KIF26B: variants seen among roughly 807,000 people sequenced by gnomAD.
KIF26B encodes the protein kinesin-like protein KIF26B.
In KIF26B, 63 loss-of-function variants were observed where a neutral mutation model predicts 151.2. The ratio of observed to expected loss-of-function variants is 0.42; its 90% CI spans 0.34 to 0.51. The LOEUF is 0.51. Ranked by LOEUF, KIF26B falls within the 20% of genes least tolerant of loss-of-function variation. KIF26B has a pLI of 0.07. For missense variants in KIF26B, 2,813 were observed against 2,913.6 expected (o/e 0.97, Z 0.79); for synonymous variants, 1,357 against 1,262.1 (o/e 1.08, Z -1.59).
At chr1:245,588,082 T>A (rs2043246377) in intron 5 of KIF26B, among the ~76,000 whole-genome samples, 1 of 152,150 alleles carries the variant, frequency 6.6e-6, no homozygotes, top group Non-Finnish European at 1.5e-5. Context: ...CTCAGCCTCC[T>A]CCACAGCCCC....
At chr1:245,343,482 C>T (rs552095732) in intron 2 of KIF26B, among the ~76,000 whole-genome samples, 5 of 152,020 alleles carry the variant, frequency 3.3e-5, no homozygotes, top group East Asian at 1.9e-4. Flanking sequence ...ATCAGCATAA[C>T]GAAGGCTGCT....
At chr1:245,439,362 A>AAAAG (rs1469565922) in intron 4 of KIF26B, among the ~76,000 whole-genome samples, 1 of 139,246 alleles carries the variant, frequency 7.2e-6, no homozygotes, top group East Asian at 2.2e-4. Flanking sequence ...AAAAAAAAAA[A>AAAAG]AGAAAAAAGA....
intron 2 of KIF26B, among the ~76,000 whole-genome samples, chr1:245,255,345 G>T: frequency 6.6e-6 from 1 of 152,196 alleles, no homozygotes; most frequent in Non-Finnish European, 1.5e-5. Flanking sequence ...AATCAACTAA[G>T]TGTCCAGCTT....
chr1:245,403,885 T>C (rs776324804), intron 3 of KIF26B, among the ~76,000 whole-genome samples: 1 of 152,326 alleles, frequency 6.6e-6, no homozygotes, highest in Non-Finnish European at 1.5e-5. Flanking sequence ...ATAGATAGCT[T>C]GTTGTCCATG....
rs58620865 is a variant in KIF26B, at chr1:245,232,551, G to GTTTTT, written c.465+75880_465+75884dup. On this transcript the variant is annotated intron_variant, in intron 2 of 14. Coordinates refer to ENST00000407071, the MANE Select transcript of KIF26B (RefSeq NM_018012.4). ...GTAGCAAATACATGTGGTTTCATTT[G>GTTTTT]TTTTTTTTTTTTTTTTGAGATGGAG... Among the ~76,000 whole-genome samples, 473 of 131,762 alleles carry GTTTTT rather than the reference G, an allele frequency of 3.6e-3. 13 individuals carry two copies. In the East Asian group the frequency reaches 0.078, roughly 22 times the overall value. 86.4% of individuals were successfully genotyped at this position (131,762 alleles called of 152,430 possible).
intron 5 of KIF26B, among the ~76,000 whole-genome samples, chr1:245,583,788 C>G (rs1318517006): frequency 6.6e-6 from 1 of 152,162 alleles, no homozygotes; most frequent in Non-Finnish European, 1.5e-5. Context: ...GTTCGCTTAC[C>G]CAACGAAGCA....
In KIF26B at chr1:245,155,352, G is replaced by T; in HGVS notation, c.-73G>T. The stretch of plus-strand genomic sequence containing the variant: ...AGCCAGCCCCCTGCAGCCGGGGGAC[G>T]CTTCTGGGTTGGAGGACCTTCTGGA... On this transcript the variant is annotated 5_prime_UTR_variant, in exon 1 of 15. Transcript: ENST00000407071. The T allele has an allele frequency of 7.9e-7, 1 of 1,268,826 alleles. No homozygotes were observed. The highest frequency in any genetic ancestry group is 1.1e-6 in the Non-Finnish European group (1 of 889,296). 78.6% of individuals were successfully genotyped at this position (1,268,826 alleles called of 1,614,324 possible). A position where few individuals can be genotyped will look rare whatever the true frequency, so the allele number is the denominator to read the frequency against.
intron 2 of KIF26B, among the ~76,000 whole-genome samples, chr1:245,207,683 C>T (rs1003730086): frequency 2.6e-5 from 4 of 152,118 alleles, no homozygotes; most frequent in Non-Finnish European, 5.9e-5. Flanking sequence ...ATGGGATGGT[C>T]TACATTGAAG....
intron 5 of KIF26B, among the ~76,000 whole-genome samples, chr1:245,556,403 T>A (rs1023804418): frequency 6.7e-6 from 1 of 148,558 alleles, no homozygotes; most frequent in Non-Finnish European, 1.5e-5. Context: ...TCTTTCTTCT[T>A]TCTTCTTCTT....
At chr1:245,343,035 G>A (rs138392963) in intron 2 of KIF26B, among the ~76,000 whole-genome samples, 2,044 of 143,286 alleles carry the variant, frequency 0.014, 44 homozygotes, top group African/African-American at 0.05. Flanking sequence ...GCAGTGAGCC[G>A]AGATCACACC....
In KIF26B at chr1:245,168,462, G is replaced by A. The variant is rs566486751; in HGVS notation, c.465+11779G>A. Among the ~76,000 whole-genome samples, 6 of 152,296 alleles carry A rather than the reference G, an allele frequency of 3.9e-5. No homozygotes were observed. In the South Asian group the frequency reaches 6.2e-4, roughly 16 times the overall value. On this transcript the variant is annotated intron_variant, in intron 2 of 14. Transcript: ENST00000407071. ...CTAAGCAGAAATAGACAAACAAAAG[G>A]ACAATTGATTCTAGAAGAGAGATTT...
intron 2 of KIF26B, among the ~76,000 whole-genome samples, chr1:245,303,352 C>T (rs1174950808): frequency 2.6e-5 from 4 of 151,314 alleles, no homozygotes; most frequent in Non-Finnish European, 5.9e-5. Context: ...GTGCCCGCCA[C>T]CACGCCCGGC....
chr1:245,464,944 G>C (rs186121261), intron 4 of KIF26B, among the ~76,000 whole-genome samples: 1,578 of 152,016 alleles, frequency 0.01, 40 homozygotes, highest in African/African-American at 0.036. Flanking sequence ...CAGGCTGCCC[G>C]GGCACCCAGC....
At chr1:245,408,392 T>A (rs1674191316) in intron 3 of KIF26B, among the ~76,000 whole-genome samples, 1 of 143,334 alleles carries the variant, frequency 7.0e-6, no homozygotes, top group Admixed American at 7.1e-5. Flanking sequence ...TCTTGCTCTG[T>A]CACCTAGGCT....
intron 4 of KIF26B, among the ~76,000 whole-genome samples, chr1:245,503,578 G>A (rs1168470301): frequency 6.6e-6 from 1 of 152,110 alleles, no homozygotes; most frequent in East Asian, 1.9e-4. Flanking sequence ...AGAATTTCTC[G>A]GTTCTTTTGA....
intron 2 of KIF26B, among the ~76,000 whole-genome samples, chr1:245,311,801 G>A (rs1005164792): frequency 6.6e-6 from 1 of 151,902 alleles, no homozygotes; most frequent in African/African-American, 2.4e-5. Flanking sequence ...GGTGTGGCAG[G>A]CGCCTGTAAT....
chr1:245,555,608 C>T (rs1345756168), intron 5 of KIF26B, among the ~76,000 whole-genome samples: 1 of 152,060 alleles, frequency 6.6e-6, no homozygotes, highest in African/African-American at 2.4e-5. Flanking sequence ...GTGTGGAAGA[C>T]GCTATCCTAC....
At chr1:245,462,593 C>T (rs564756931) in intron 4 of KIF26B, among the ~76,000 whole-genome samples, 1 of 152,272 alleles carries the variant, frequency 6.6e-6, no homozygotes, top group South Asian at 2.1e-4. Flanking sequence ...ACTGTGTATT[C>T]ACCGGGTACC....
At chr1:245,388,166 T>A (rs1254191088) in intron 3 of KIF26B, among the ~76,000 whole-genome samples, 1 of 152,136 alleles carries the variant, frequency 6.6e-6, no homozygotes, top group Non-Finnish European at 1.5e-5. Context: ...AGAAAATTGA[T>A]CTCATTGGAG....
Sources: gnomAD v4.1 joint callset for allele counts (sites outside exome capture counted in the v4.1 genomes callset) on GRCh38, gnomAD v4.1.1 for gene constraint, MANE v1.5 for transcripts, NCBI Gene and HGNC (gene_info 2026-07-23, HGNC 2026-07-21) for gene names.